The following LZTS1 variants were observed in gnomAD, a reference collection of about 807,000 sequenced individuals.
The protein encoded by LZTS1 is leucine zipper putative tumor suppressor 1.
A neutral mutation model predicts 45.8 loss-of-function variants in LZTS1; 31 were observed. That is an observed-to-expected ratio of 0.68 (90% confidence interval 0.51 to 0.91). The LOEUF (loss-of-function observed/expected upper bound fraction) is 0.91. Among genes scored for constraint, LZTS1 ranks in the 40% least tolerant of loss-of-function variants. The pLI, the probability that LZTS1 is intolerant of heterozygous loss-of-function variation, is 0.00. For synonymous variants in LZTS1, 359 were observed against 357.3 expected, an observed-to-expected ratio of 1.00 and a Z score of -0.05; for missense variants, 821 against 788.9, an observed-to-expected ratio of 1.04 and a Z score of -0.49.
chr8:20,300,674 T>C (rs570577323), intron 1 of LZTS1, among the ~76,000 whole-genome samples: 2 of 152,180 alleles, frequency 1.3e-5, no homozygotes, highest in Non-Finnish European at 2.9e-5. Flanking sequence ...ATGCAATCTC[T>C]GCTTCTAGGA....
intron 1 of LZTS1, among the ~76,000 whole-genome samples, chr8:20,288,101 G>T (rs1216110953): frequency 6.6e-6 from 1 of 152,002 alleles, no homozygotes; most frequent in Non-Finnish European, 1.5e-5. Context: ...CTCCGTCTCA[G>T]CCTCACAAGC....
intron 1 of LZTS1, among the ~76,000 whole-genome samples, chr8:20,279,146 G>T (rs921297032): frequency 1.3e-5 from 2 of 152,196 alleles, no homozygotes; most frequent in Admixed American, 6.5e-5. Context: ...CTTCCTCCAG[G>T]AAGCCATCCT....
rs372554877 is a variant in LZTS1, at chr8:20,254,235, G to C, written c.345+602C>G. On this transcript the variant is annotated intron_variant, in intron 2 of 3. Transcript: ENST00000381569. ...AAATTGATTTCAGTGTCCACTCGTGGGACGCACGAGGGCTTGAGCTGGTGT... is the reference window on the plus strand; with the variant it reads ...AAATTGATTTCAGTGTCCACTCGTGCGACGCACGAGGGCTTGAGCTGGTGT... Among the ~76,000 whole-genome samples the C allele has an allele frequency of 2.6e-4, 40 of 152,304 alleles. No individual in the cohort carries two copies. In the East Asian group the frequency reaches 6.0e-3, roughly 23 times the overall value.
chr8:20,267,818 A>T (rs1800392637), intron 1 of LZTS1, among the ~76,000 whole-genome samples: 1 of 152,056 alleles, frequency 6.6e-6, no homozygotes, highest in Non-Finnish European at 1.5e-5. Context: ...CCCGGCCCAG[A>T]CCTCACACTT....
At chr8:20,267,604 C>T (rs62499971) in intron 1 of LZTS1, among the ~76,000 whole-genome samples, 29,658 of 152,058 alleles carry the variant, frequency 0.2, 3,108 homozygotes, top group Middle Eastern at 0.3. Flanking sequence ...CAACCTCTGC[C>T]TCCCGGGTTC....
intron 2 of LZTS1, among the ~76,000 whole-genome samples, chr8:20,254,542 A>G (rs937163918): frequency 6.6e-6 from 1 of 152,178 alleles, no homozygotes; most frequent in Non-Finnish European, 1.5e-5. Context: ...CTACGTTGAC[A>G]ATCCAGCTAC....
chr8:20,283,781 G>A lies in LZTS1; in HGVS notation c.-135+19959C>T, dbSNP rs546481602. 1.6e-4 allele frequency among the ~76,000 whole-genome samples: 25 copies of A among 152,230 alleles called. 1 individual carries two copies. Among genetic ancestry groups the A allele is most frequent in the South Asian group, 8.3e-4 (4 of 4,812 alleles). On this transcript the variant is annotated intron_variant, in intron 1 of 3. Transcript: ENST00000381569. Reference sequence around the variant, plus strand: ...GGAGTGCAGGATGGAGGGACTCAGGGTCTTCTGGCTGCAACTTCAGGTCAC... The same window carrying A: ...GGAGTGCAGGATGGAGGGACTCAGGATCTTCTGGCTGCAACTTCAGGTCAC...
chr8:20,271,228 G>T (rs1200828106), intron 1 of LZTS1, among the ~76,000 whole-genome samples: 2 of 152,116 alleles, frequency 1.3e-5, no homozygotes, highest in East Asian at 3.9e-4. Flanking sequence ...GATTCCTCAA[G>T]CTCCTTGCCT....
At chr8:20,271,466 C>T (rs1185571471) in intron 1 of LZTS1, among the ~76,000 whole-genome samples, 1 of 152,214 alleles carries the variant, frequency 6.6e-6, no homozygotes, top group Non-Finnish European at 1.5e-5. Flanking sequence ...CATGAACCTT[C>T]CTGGTGAGTG....
intron 1 of LZTS1, among the ~76,000 whole-genome samples, chr8:20,283,053 G>A (rs1423610772): frequency 6.6e-6 from 1 of 152,144 alleles, no homozygotes; most frequent in African/African-American, 2.4e-5. Context: ...AGCCTGACTG[G>A]GCTTGAGAAG....
intron 1 of LZTS1, among the ~76,000 whole-genome samples, chr8:20,283,551 C>A (rs570861001): frequency 6.6e-6 from 1 of 152,188 alleles, no homozygotes; most frequent in South Asian, 2.1e-4. Context: ...TCTGGAAACC[C>A]GGAGAGGGAT....
intron 1 of LZTS1, among the ~76,000 whole-genome samples, chr8:20,295,281 C>G (rs1800962487): frequency 6.6e-6 from 1 of 152,226 alleles, no homozygotes; most frequent in Non-Finnish European, 1.5e-5. Flanking sequence ...GCCTTCTGCA[C>G]AAGGACCACA....
chr8:20,284,130 C>T (rs1800745478), intron 1 of LZTS1, among the ~76,000 whole-genome samples: 1 of 152,182 alleles, frequency 6.6e-6, no homozygotes. Flanking sequence ...TCTGGGGCTT[C>T]CTTTCATCAT....
chr8:20,300,629 G>A (rs112588051), intron 1 of LZTS1, among the ~76,000 whole-genome samples: 7,846 of 151,980 alleles, frequency 0.052, 468 homozygotes, highest in African/African-American at 0.15. Flanking sequence ...ACAGCGCCCC[G>A]CCGCCAACAC....
intron 3 of LZTS1, among the ~76,000 whole-genome samples, chr8:20,251,837 A>G (rs1471227318): frequency 6.6e-6 from 1 of 152,170 alleles, no homozygotes; most frequent in Non-Finnish European, 1.5e-5. Flanking sequence ...GGATGTGGGC[A>G]TAAACGTCGA....
chr8:20,263,455 G>A (rs1800287580), intron 1 of LZTS1, among the ~76,000 whole-genome samples: 1 of 152,030 alleles, frequency 6.6e-6, no homozygotes, highest in African/African-American at 2.4e-5. Flanking sequence ...GACCCCTAAT[G>A]CCCCTTGATT....
At chr8:20,285,973 T>C (rs1204449230) in intron 1 of LZTS1, among the ~76,000 whole-genome samples, 7 of 152,174 alleles carry the variant, frequency 4.6e-5, no homozygotes, top group Admixed American at 4.6e-4. Flanking sequence ...AAGTAAATAT[T>C]GACTCCTACT....
intron 1 of LZTS1, among the ~76,000 whole-genome samples, chr8:20,278,071 C>T (rs1355396015): frequency 6.6e-6 from 1 of 152,104 alleles, no homozygotes; most frequent in Non-Finnish European, 1.5e-5. Context: ...GTCAGGTGAC[C>T]ATCAGATGGT....
intron 1 of LZTS1, among the ~76,000 whole-genome samples, chr8:20,283,404 C>A (rs373054047): frequency 1.3e-5 from 2 of 152,248 alleles, no homozygotes; most frequent in South Asian, 2.1e-4. Flanking sequence ...AGTGGGTCCT[C>A]CCCAGACACT....
Sources: gnomAD v4.1 joint callset for allele counts (sites outside exome capture counted in the v4.1 genomes callset) on GRCh38, gnomAD v4.1.1 for gene constraint, MANE v1.5 for transcripts, NCBI Gene and HGNC (gene_info 2026-07-23, HGNC 2026-07-21) for gene names.